Variants in CAB39 observed in about 807,000 individuals in gnomAD.
CAB39 encodes calcium binding protein 39.
CAB39 carries 8 observed loss-of-function variants against 40.0 expected under a neutral mutation model. The observed-to-expected ratio is 0.20, with a 90% CI of 0.12 to 0.36. CAB39 has a LOEUF of 0.36. Ranked by LOEUF, CAB39 falls within the 10% of genes least tolerant of loss-of-function variation. The pLI is 1.00. For synonymous variants in CAB39, 156 were observed against 141.6 expected (o/e 1.10, Z -0.72); for missense variants, 270 against 401.1 (o/e 0.67, Z 2.79).
Position 230,725,341 on chromosome 2 carries a change from C to G in CAB39, c.-44+12111C>G. On this transcript the variant is annotated intron_variant, in intron 1 of 8. Transcript: ENST00000258418. ...GGACTTCACCAATCCCAGCCAGGCT[C>G]CCCACTGGCTTCTCCCCCATGGGCT... 3.2e-6 allele frequency: 5 copies of G among 1,582,356 alleles called. No individual in the cohort carries two copies. The South Asian group carries it at 5.5e-5, about 18-fold the overall frequency.
chr2:230,795,258 A>G (rs1243579088), intron 4 of CAB39, among the ~76,000 whole-genome samples: 1 of 146,698 alleles, frequency 6.8e-6, no homozygotes, highest in Non-Finnish European at 1.5e-5. Context: ...CCTGGGTGAC[A>G]GAGCAAGACT....
intron 3 of CAB39, 102 bp from the exon 4 acceptor site, chr2:230,793,111 A>G (rs1262331951): frequency 1.5e-6 from 1 of 647,314 alleles, no homozygotes; most frequent in Non-Finnish European, 2.8e-6. Flanking sequence ...ATATTCAGTC[A>G]TAACAATAAG....
intron 1 of CAB39, chr2:230,713,927 C>G (rs1395605181): frequency 6.6e-6 from 1 of 152,332 alleles, no homozygotes; most frequent in Non-Finnish European, 1.5e-5. Context: ...CGACGGAGTG[C>G]TAGAACGGCA....
intron 2 of CAB39, among the ~76,000 whole-genome samples, chr2:230,787,507 A>G (rs1268201028): frequency 6.6e-6 from 1 of 152,206 alleles, no homozygotes; most frequent in African/African-American, 2.4e-5. Context: ...TCTTCATTGC[A>G]GTGTCATTCG....
chr2:230,746,138 A>C (rs1212584513), intron 1 of CAB39, among the ~76,000 whole-genome samples: 1 of 152,184 alleles, frequency 6.6e-6, no homozygotes, highest in East Asian at 1.9e-4. Flanking sequence ...TATGTGTAAG[A>C]TGACAGAACA....
chr2:230,794,781 G>A (rs1344366677), intron 4 of CAB39, among the ~76,000 whole-genome samples: 1 of 152,140 alleles, frequency 6.6e-6, no homozygotes, highest in South Asian at 2.1e-4. Context: ...CAACAGTTAC[G>A]AATGTTCTGT....
At chr2:230,799,051 A>T in intron 5 of CAB39, 154 bp downstream of exon 5, 2 of 554,372 alleles carry the variant, frequency 3.6e-6, no homozygotes, top group Non-Finnish European at 6.2e-6. Context: ...AGGTATATGC[A>T]GTAAAGTCAC....
chr2:230,792,710 G>C (rs777827692), intron 3 of CAB39, among the ~76,000 whole-genome samples: 8 of 152,184 alleles, frequency 5.3e-5, no homozygotes, highest in Non-Finnish European at 5.9e-5. Context: ...TTAATTGGAA[G>C]ATAGGTCTAC....
rs11904700 is a variant in CAB39, at chr2:230,727,027, C to T, written c.-44+13797C>T. Among the ~76,000 whole-genome samples, 837 of 150,994 alleles carry T rather than the reference C, an allele frequency of 5.5e-3. 9 individuals carry two copies. Among genetic ancestry groups the T allele is most frequent in the African/African-American group, 0.02 (801 of 41,022 alleles). ...GAAGAGGAAGGAATAATAAGAAATA[C>T]GGAGAGGGAAGAGGAACAAGACATA... On this transcript the variant is annotated intron_variant, in intron 1 of 8. Transcript: ENST00000258418.
At chr2:230,738,383 T>C (rs1269196394) in intron 1 of CAB39, among the ~76,000 whole-genome samples, 1 of 152,240 alleles carries the variant, frequency 6.6e-6, no homozygotes, top group African/African-American at 2.4e-5. Context: ...TTATATTTGA[T>C]CATACCAGTC....
chr2:230,775,257 A>G (rs374723463), intron 2 of CAB39, among the ~76,000 whole-genome samples: 1 of 151,048 alleles, frequency 6.6e-6, no homozygotes. Flanking sequence ...TTTTTTTTGA[A>G]ACAGACTCTA....
At position 230,724,204 on chromosome 2, in the gene CAB39, G is replaced by A. The variant is rs563541938; in HGVS notation, c.-44+10974G>A. Reference sequence around the variant, plus strand: ...GGAGGTTGCAGCGCGCCGAGATTGCGCCACTGCACTCCAGCCTGGGTGACA... The same window carrying A: ...GGAGGTTGCAGCGCGCCGAGATTGCACCACTGCACTCCAGCCTGGGTGACA... On this transcript the variant is annotated intron_variant, in intron 1 of 8. Coordinates refer to ENST00000258418, the MANE Select transcript of CAB39 (RefSeq NM_016289.4). 1.0e-3 allele frequency among the ~76,000 whole-genome samples: 156 copies of A among 150,316 alleles called. 1 individual carries two copies. The highest frequency in any genetic ancestry group is 1.0e-3 in the Non-Finnish European group (70 of 67,776).
At chr2:230,805,881 C>T (rs1238852554) in intron 5 of CAB39, among the ~76,000 whole-genome samples, 1 of 152,174 alleles carries the variant, frequency 6.6e-6, no homozygotes, top group Non-Finnish European at 1.5e-5. Context: ...CCCCACCCAG[C>T]TGAACGTTTT....
At chr2:230,768,399 C>T (rs1695426754) in intron 2 of CAB39, among the ~76,000 whole-genome samples, 2 of 152,150 alleles carry the variant, frequency 1.3e-5, no homozygotes, top group African/African-American at 2.4e-5. Flanking sequence ...GGTTTATGTT[C>T]ATCATCTTCC....
At chr2:230,748,952 C>A (rs1441257485) in intron 1 of CAB39, among the ~76,000 whole-genome samples, 1 of 140,082 alleles carries the variant, frequency 7.1e-6, no homozygotes, top group African/African-American at 2.6e-5. Flanking sequence ...ATATGGTTAT[C>A]CTGAAATATA....
intron 1 of CAB39, among the ~76,000 whole-genome samples, chr2:230,723,156 AG>A (rs1470013268): frequency 6.6e-6 from 1 of 152,142 alleles, no homozygotes; most frequent in East Asian, 1.9e-4. Context: ...AAAAAATAAA[AG>A]TTACTGTTTC....
At chr2:230,798,933 A>G in intron 5 of CAB39, 36 bp downstream of exon 5, 1 of 1,521,990 alleles carries the variant, frequency 6.6e-7, no homozygotes, top group Non-Finnish European at 9.0e-7. Flanking sequence ...TATCCTTGAA[A>G]GTCAGAGGTG....
intron 5 of CAB39, among the ~76,000 whole-genome samples, chr2:230,805,158 A>G (rs927106831): frequency 6.6e-6 from 1 of 151,992 alleles, no homozygotes; most frequent in African/African-American, 2.4e-5. Context: ...CAGAAAACCA[A>G]ACACCGCATG....
At chr2:230,785,550 A>C (rs542599420) in intron 2 of CAB39, among the ~76,000 whole-genome samples, 1 of 151,858 alleles carries the variant, frequency 6.6e-6, no homozygotes. Context: ...CTAAGAACGC[A>C]TGGGGGTGGG....
Sources: gnomAD v4.1 joint callset for allele counts (sites outside exome capture counted in the v4.1 genomes callset) on GRCh38, gnomAD v4.1.1 for gene constraint, MANE v1.5 for transcripts, NCBI Gene and HGNC (gene_info 2026-07-23, HGNC 2026-07-21) for gene names.